SRGAP1: variants seen among roughly 807,000 people sequenced by gnomAD.
The protein encoded by SRGAP1 is SLIT-ROBO Rho GTPase activating protein 1.
Under a neutral mutation model 121.9 loss-of-function variants are expected in SRGAP1, and 43 were observed. The ratio of observed to expected loss-of-function variants is 0.35; its 90% CI spans 0.28 to 0.46. The LOEUF is 0.46. SRGAP1 is among the 20% of genes least tolerant of loss of function. The pLI, the probability that SRGAP1 is intolerant of heterozygous loss-of-function variation, is 1.00. For synonymous variants in SRGAP1, 447 were observed against 485.4 expected (o/e 0.92, Z 1.04); for missense variants, 1,102 against 1,350.9 (o/e 0.82, Z 2.89).
At chr12:63,903,137 T>C (rs1053326055) in intron 1 of SRGAP1, among the ~76,000 whole-genome samples, 1 of 152,152 alleles carries the variant, frequency 6.6e-6, no homozygotes, top group Non-Finnish European at 1.5e-5. Context: ...TTAAGCACGC[T>C]TTCAAGTAGA....
chr12:64,078,481 A>G (rs1444225209), intron 8 of SRGAP1, among the ~76,000 whole-genome samples: 2 of 152,218 alleles, frequency 1.3e-5, no homozygotes, highest in Admixed American at 1.3e-4. Context: ...AGGAGAGGGT[A>G]TAGGTGTATG....
At chr12:63,989,393 G>A (rs965854329) in intron 2 of SRGAP1, among the ~76,000 whole-genome samples, 13 of 152,110 alleles carry the variant, frequency 8.5e-5, no homozygotes, top group East Asian at 5.8e-4. Flanking sequence ...TAGTTTTTGG[G>A]AGACTGGAGG....
chr12:64,042,328 G>T (rs1377817374), intron 4 of SRGAP1, among the ~76,000 whole-genome samples: 2 of 151,972 alleles, frequency 1.3e-5, no homozygotes, highest in African/African-American at 4.8e-5. Flanking sequence ...AACTATGTAT[G>T]AACCTTAATA....
At chr12:64,019,294 C>G (rs1308607740) in intron 4 of SRGAP1, among the ~76,000 whole-genome samples, 1 of 152,102 alleles carries the variant, frequency 6.6e-6, no homozygotes. Context: ...TAAGCTGACA[C>G]CTCAGAACTC....
rs763304167 is a variant in SRGAP1 at position 64,065,174 on chromosome 12, A to G, written c.1080A>G (p.Gln360=). The change falls in exon 8 of 22, where the codon CAA becomes CAG. Residue 360 remains glutamine, a synonymous_variant. Coordinates refer to ENST00000355086, the MANE Select transcript of SRGAP1 (RefSeq NM_020762.4). The part of the protein sequence containing the change: ...PVQAELMLRY[Q]QLQSRLATLK... ...AGGCAGAGCTCATGCTCAGGTACCAACAGTTGCAGTCCCGCCTTGCCACGC... is the reference window on the plus strand; with the variant it reads ...AGGCAGAGCTCATGCTCAGGTACCAGCAGTTGCAGTCCCGCCTTGCCACGC... 1 of 1,613,720 alleles carries G rather than the reference A, an allele frequency of 6.2e-7. No homozygotes were observed. Among genetic ancestry groups the G allele is most frequent in the Non-Finnish European group, 8.5e-7 (1 of 1,179,886 alleles).
At chr12:64,140,124 A>G (rs1254844692) in intron 21 of SRGAP1, among the ~76,000 whole-genome samples, 3 of 145,518 alleles carry the variant, frequency 2.1e-5, no homozygotes, top group Non-Finnish European at 3.0e-5. Flanking sequence ...TACCAGTACC[A>G]TGCTGTTTTG....
At chr12:63,956,787 G>A (rs2032487901) in intron 1 of SRGAP1, among the ~76,000 whole-genome samples, 1 of 138,136 alleles carries the variant, frequency 7.2e-6, no homozygotes, top group South Asian at 2.3e-4. Context: ...TATTTCCAGT[G>A]TATAATTCCA....
At chr12:63,879,654 G>T (rs904343629) in intron 1 of SRGAP1, among the ~76,000 whole-genome samples, 1 of 152,178 alleles carries the variant, frequency 6.6e-6, no homozygotes, top group Admixed American at 6.5e-5. Context: ...CACTAAGTTG[G>T]GGGGAAGCAA....
chr12:63,960,958 C>A (rs1317184332), intron 1 of SRGAP1, among the ~76,000 whole-genome samples: 1 of 152,148 alleles, frequency 6.6e-6, no homozygotes, highest in Middle Eastern at 3.2e-3. Context: ...CTTCTGCACT[C>A]CAGAACTATA....
chr12:64,039,363 G>C (rs2034962388), intron 4 of SRGAP1, among the ~76,000 whole-genome samples: 1 of 152,172 alleles, frequency 6.6e-6, no homozygotes, highest in Admixed American at 6.5e-5. Flanking sequence ...ACCCACACTA[G>C]TCAGTAAGGA....
At chr12:63,980,586 C>G (rs1054915366) in intron 1 of SRGAP1, among the ~76,000 whole-genome samples, 1 of 150,662 alleles carries the variant, frequency 6.6e-6, no homozygotes, top group South Asian at 2.1e-4. Context: ...CTCTTCCTAA[C>G]GAGATGTTTC....
At chr12:63,964,577 C>T (rs1002569717) in intron 1 of SRGAP1, among the ~76,000 whole-genome samples, 4 of 152,048 alleles carry the variant, frequency 2.6e-5, no homozygotes, top group Non-Finnish European at 5.9e-5. Flanking sequence ...ACTTAATAAA[C>T]CCCAGAGAAA....
At position 63,844,964 on chromosome 12, in the gene SRGAP1, G is replaced by T; in HGVS notation, c.67+81G>T. On this transcript the variant is annotated intron_variant, in intron 1 of 21. Transcript: ENST00000355086. This position sits in a 1 kb window ranked among gnomAD's most constrained non-coding sequence, Gnocchi z 4.3. The stretch of plus-strand genomic sequence containing the variant: ...CGTGGAGTTGCGTATCTAACTTGGT[G>T]TCTGCGTGGGAGGAAGGTGGTGAGG... The T allele has an allele frequency of 1.4e-6, 2 of 1,393,582 alleles. No individual in the cohort carries two copies. Among genetic ancestry groups the T allele is most frequent in the Non-Finnish European group, 2.0e-6 (2 of 980,032 alleles). 86.3% of individuals were successfully genotyped at this position (1,393,582 alleles called of 1,614,324 possible).
At chr12:63,914,732 A>G (rs189882116) in intron 1 of SRGAP1, among the ~76,000 whole-genome samples, 3 of 152,096 alleles carry the variant, frequency 2.0e-5, no homozygotes, top group Admixed American at 1.3e-4. Context: ...GGAAAACCCT[A>G]CAAGTTTCTG....
rs1222834636 is a variant in SRGAP1 at position 64,145,992 on chromosome 12, A to C, written c.*3320A>C. 2 of 152,194 alleles carry C rather than the reference A, an allele frequency of 1.3e-5. No homozygotes were observed. Among genetic ancestry groups the C allele is most frequent in the African/African-American group, 2.4e-5 (1 of 41,444 alleles). 9.4% of individuals were successfully genotyped at this position (152,194 alleles called of 1,614,324 possible). On this transcript the variant is annotated 3_prime_UTR_variant, in exon 22 of 22. Coordinates refer to ENST00000355086, the MANE Select transcript of SRGAP1 (RefSeq NM_020762.4). ...TCTCAGCTGATATAACTGTGTGTTC[A>C]CATCCCATCCATAGAACTCACTGAA...
At chr12:63,854,280 G>A (rs1899166470) in intron 1 of SRGAP1, among the ~76,000 whole-genome samples, 2 of 152,036 alleles carry the variant, frequency 1.3e-5, no homozygotes, top group South Asian at 4.1e-4. Context: ...TGATTAGGAT[G>A]CATTCATATA....
At chr12:64,098,380 G>T (rs1171099131) in intron 15 of SRGAP1, among the ~76,000 whole-genome samples, 2 of 151,574 alleles carry the variant, frequency 1.3e-5, no homozygotes, top group African/African-American at 2.4e-5. Flanking sequence ...AAAAAAACTG[G>T]GTTGCTTGCT....
At chr12:63,955,417 A>G (rs2032434082) in intron 1 of SRGAP1, among the ~76,000 whole-genome samples, 1 of 152,242 alleles carries the variant, frequency 6.6e-6, no homozygotes, top group South Asian at 2.1e-4. Context: ...AAATCAAGCT[A>G]ATTAACACAT....
At chr12:63,874,084 A>C (rs572426871) in intron 1 of SRGAP1, among the ~76,000 whole-genome samples, 1 of 152,244 alleles carries the variant, frequency 6.6e-6, no homozygotes, top group Non-Finnish European at 1.5e-5. Context: ...AGGAAGGGAG[A>C]GACAGAGAAA....
Sources: gnomAD v4.1 joint callset for allele counts (sites outside exome capture counted in the v4.1 genomes callset) on GRCh38, gnomAD v4.1.1 for gene constraint, Gnocchi (gnomAD v3.1) non-coding constraint, MANE v1.5 for transcripts, NCBI Gene and HGNC (gene_info 2026-07-23, HGNC 2026-07-21) for gene names.